The following IL1RAPL1 variants were observed in gnomAD, a reference collection of about 807,000 sequenced individuals.
The protein encoded by IL1RAPL1 is interleukin 1 receptor accessory protein like 1, also known as interleukin-1 receptor accessory protein-like 1.
Under a neutral mutation model 48.4 loss-of-function variants are expected in IL1RAPL1, and 3 were observed. That is an observed-to-expected ratio of 0.06 (90% CI 0.03 to 0.16). The LOEUF (loss-of-function observed/expected upper bound fraction) is 0.16. Ranked by LOEUF, IL1RAPL1 falls within the 10% of genes least tolerant of loss-of-function variation. The pLI, the probability that IL1RAPL1 is intolerant of heterozygous loss-of-function variation, is 1.00. For synonymous variants in IL1RAPL1, 185 were observed against 187.7 expected (o/e 0.99, Z 0.12); for missense variants, 349 against 530.6 (o/e 0.66, Z 3.36).
chrX:29,043,033 A>G (rs1926880248), intron 2 of IL1RAPL1, among the ~76,000 whole-genome samples: 1 of 111,803 alleles, frequency 8.9e-6, no homozygotes, highest in Admixed American at 9.5e-5. Flanking sequence ...TGGTTGTACT[A>G]GGAAAATTGA....
intron 6 of IL1RAPL1, among the ~76,000 whole-genome samples, chrX:29,851,751 C>T (rs1931375246): frequency 9.0e-6 from 1 of 111,209 alleles, no homozygotes. Flanking sequence ...GATGGCTTTT[C>T]TTGTGGGTTC....
In IL1RAPL1 at chrX:28,875,015, A is replaced by G. The variant is rs753590056; in HGVS notation, c.82+85590A>G. ...GATTAAGGAGTCACAGGGAAAGAAGATGGTAATATTCTCATAGATTAATGA... is the reference window on the plus strand; with the variant it reads ...GATTAAGGAGTCACAGGGAAAGAAGGTGGTAATATTCTCATAGATTAATGA... On this transcript the variant is annotated intron_variant, in intron 2 of 10. Transcript: ENST00000378993. 8.0e-5 allele frequency among the ~76,000 whole-genome samples: 9 copies of G among 112,111 alleles called. No homozygotes were observed. In the East Asian group the frequency reaches 8.4e-4, roughly 10 times the overall value.
chrX:28,799,998 T>A (rs1936655391), intron 2 of IL1RAPL1, among the ~76,000 whole-genome samples: 1 of 111,490 alleles, frequency 9.0e-6, no homozygotes, highest in Non-Finnish European at 1.9e-5. Context: ...TGTCACAAAC[T>A]GGGTGACCTA....
intron 1 of IL1RAPL1, among the ~76,000 whole-genome samples, chrX:28,592,249 G>A (rs931897962): frequency 1.8e-5 from 2 of 111,734 alleles, no homozygotes; most frequent in African/African-American, 6.5e-5. Flanking sequence ...TCTGCAGATT[G>A]CTTTTTAAAA....
At chrX:29,100,668 A>T (rs1928316252) in intron 2 of IL1RAPL1, among the ~76,000 whole-genome samples, 1 of 111,682 alleles carries the variant, frequency 9.0e-6, no homozygotes, top group African/African-American at 3.3e-5. Flanking sequence ...TCGGGTTCTG[A>T]TCTGGGCTTT....
At chrX:29,604,119 T>C (rs1400405102) in intron 5 of IL1RAPL1, among the ~76,000 whole-genome samples, 2 of 112,133 alleles carry the variant, frequency 1.8e-5, no homozygotes, top group Non-Finnish European at 3.8e-5. Flanking sequence ...CATAAATTCC[T>C]TTACATGGAC....
chrX:28,761,386 A>G (rs1256380248), intron 1 of IL1RAPL1, among the ~76,000 whole-genome samples: 1 of 111,931 alleles, frequency 8.9e-6, no homozygotes, highest in African/African-American at 3.3e-5. Flanking sequence ...TGTGGTACAT[A>G]TACACTGTGG....
chrX:29,090,879 G>A (rs1025269217), intron 2 of IL1RAPL1, among the ~76,000 whole-genome samples: 1 of 112,177 alleles, frequency 8.9e-6, no homozygotes, highest in Non-Finnish European at 1.9e-5. Context: ...AACCATAGAG[G>A]CTGAGAACTT....
chrX:29,946,095 C>G (rs745682165), intron 9 of IL1RAPL1, among the ~76,000 whole-genome samples: 1 of 111,552 alleles, frequency 9.0e-6, no homozygotes, highest in Non-Finnish European at 1.9e-5. Flanking sequence ...TTGCACCTCT[C>G]AAAAATAGAT....
chrX:29,046,606 A>G (rs1392913238), intron 2 of IL1RAPL1, among the ~76,000 whole-genome samples: 1 of 111,810 alleles, frequency 8.9e-6, no homozygotes, highest in Admixed American at 9.5e-5. Flanking sequence ...TTGAATTCAT[A>G]CATTATGACA....
intron 5 of IL1RAPL1, among the ~76,000 whole-genome samples, chrX:29,557,924 T>A (rs1163386025): frequency 3.6e-5 from 4 of 111,436 alleles, no homozygotes; most frequent in Admixed American, 9.6e-5. Context: ...TCATTTTCTT[T>A]ACGCATTTAT....
intron 2 of IL1RAPL1, among the ~76,000 whole-genome samples, chrX:28,846,811 T>C (rs752845521): frequency 3.7e-4 from 41 of 112,101 alleles, no homozygotes; most frequent in Non-Finnish European, 6.8e-4. Context: ...GGAATGCTTC[T>C]TGTCATGAGA....
intron 2 of IL1RAPL1, among the ~76,000 whole-genome samples, chrX:29,094,635 G>A (rs1412752068): frequency 9.8e-6 from 1 of 102,561 alleles, no homozygotes; most frequent in Non-Finnish European, 2.0e-5. Context: ...GCAGGGCATG[G>A]TGGCAGGTAC....
intron 5 of IL1RAPL1, among the ~76,000 whole-genome samples, chrX:29,592,988 A>G: frequency 8.9e-6 from 1 of 112,293 alleles, no homozygotes; most frequent in African/African-American, 3.2e-5. Flanking sequence ...TCTCTGGAGG[A>G]TAGTGTTCCT....
intron 2 of IL1RAPL1, among the ~76,000 whole-genome samples, chrX:28,986,792 G>A (rs754208511): frequency 1.8e-5 from 2 of 112,096 alleles, no homozygotes; most frequent in South Asian, 7.4e-4. Flanking sequence ...CCCAAGGGAA[G>A]GATTATTTTC....
chrX:29,590,084 CGA>C (rs1014373495), intron 5 of IL1RAPL1, among the ~76,000 whole-genome samples: 1 of 110,107 alleles, frequency 9.1e-6, no homozygotes, highest in Admixed American at 9.7e-5. Flanking sequence ...AGAGCAGGAA[CGA>C]GAGAGAGAGA....
chrX:28,985,558 G>A (rs1925444251), intron 2 of IL1RAPL1, among the ~76,000 whole-genome samples: 1 of 111,897 alleles, frequency 8.9e-6, no homozygotes, highest in Non-Finnish European at 1.9e-5. Context: ...TTTTTGATTA[G>A]CAAATGTGAA....
rs1159198583 is a variant in IL1RAPL1, at chrX:29,089,749, A to AATATATATATATATATATATAT, written c.83-193172_83-193151dup. Among the ~76,000 whole-genome samples, 23 of 16,970 alleles carry AATATATATATATATATATATAT rather than the reference A, an allele frequency of 1.4e-3. 2 individuals are homozygous for AATATATATATATATATATATAT. The highest frequency in any genetic ancestry group is 8.9e-3 in the South Asian group (1 of 112). The allele number at this position is 16,970 out of a possible 115,157, so 14.7% of individuals were successfully genotyped here. On this transcript the variant is annotated intron_variant, in intron 2 of 10. Coordinates refer to ENST00000378993, the MANE Select transcript of IL1RAPL1 (RefSeq NM_014271.4). ...TTCTACATGAAAGCAGAGAAATATGAATATATATATATATATATATATATA... is the reference window on the plus strand; with the variant it reads ...TTCTACATGAAAGCAGAGAAATATGAATATATATATATATATATATATATATATATATATATATATATATATA...
In IL1RAPL1 at chrX:29,954,094, G is replaced by C. The variant is rs1933366928; in HGVS notation, c.1202-428G>C. On this transcript the variant is annotated intron_variant, in intron 9 of 10. Coordinates refer to ENST00000378993, the MANE Select transcript of IL1RAPL1 (RefSeq NM_014271.4). ...CTACTAAAAATACAAAAATTAGCTG[G>C]GTGTGGTGACGTGCACCTATAATCC... Among the ~76,000 whole-genome samples, 5 of 108,635 alleles carry C rather than the reference G, an allele frequency of 4.6e-5. No individual in the cohort carries two copies. The South Asian group carries it at 2.1e-3, about 45-fold the overall frequency. 94.3% of individuals were successfully genotyped at this position (108,635 alleles called of 115,157 possible).
Sources: allele counts gnomAD v4.1 joint callset (sites outside exome capture counted in the v4.1 genomes callset), GRCh38; gene constraint gnomAD v4.1.1; transcripts MANE v1.5; gene names NCBI Gene and HGNC (gene_info 2026-07-23, HGNC 2026-07-21).